PARP4: variants seen among roughly 807,000 people sequenced by gnomAD.
PARP4 encodes poly(ADP-ribose) polymerase family member 4, also known as protein mono-ADP-ribosyltransferase PARP4.
A neutral mutation model predicts 187.7 loss-of-function variants in PARP4; 120 were observed. The ratio of observed to expected loss-of-function variants is 0.64; its 90% confidence interval spans 0.55 to 0.74. The LOEUF (loss-of-function observed/expected upper bound fraction) is 0.74, where lower values mean the gene tolerates loss of function less well. Ranked by LOEUF, PARP4 falls within the 30% of genes least tolerant of loss-of-function variation. The pLI is 0.00. For synonymous variants in PARP4, 654 were observed against 740.9 expected (o/e 0.88, Z 1.90); for missense variants, 1,836 against 2,070.5 (o/e 0.89, Z 2.20).
chr13:24,426,526 A>G lies in PARP4; in HGVS notation c.4919T>C (p.Leu1640Ser). ...TTTGAACACTATTCCCTCTTTTTCC[A>G]ACCTGGTGCGAATAAACTGTAGTAC... is the stretch of plus-strand genomic sequence containing the variant. Reference protein sequence around the residue: ...MLVLQFIRTRLEKEGIVFKSL... With the variant: ...MLVLQFIRTRSEKEGIVFKSL... Residue 1640 changes from leucine (L) to serine (S), a missense_variant, in exon 33 of 34, where the codon TTG becomes TCG. Around this residue, in one of 8 missense-constraint regions of PARP4, gnomAD observed 45 missense variants for 53.1 expected, o/e 0.85. Transcript: ENST00000381989. The G allele has an allele frequency of 6.2e-7, 1 of 1,612,072 alleles. No homozygotes were observed. Among genetic ancestry groups the G allele is most frequent in the Non-Finnish European group, 8.5e-7 (1 of 1,178,650 alleles).
chr13:24,499,276 T>G (rs1869139189), intron 5 of PARP4, 25 bp downstream of exon 5: 1 of 1,449,408 alleles, frequency 6.9e-7, no homozygotes, highest in Non-Finnish European at 9.1e-7. Flanking sequence ...TTTTTTTTTT[T>G]GCTAACTAGA....
intron 6 of PARP4, among the ~76,000 whole-genome samples, chr13:24,497,763 G>C (rs1593650889): frequency 6.6e-6 from 1 of 152,138 alleles, no homozygotes; most frequent in Admixed American, 6.6e-5. Context: ...AGATCATAAG[G>C]GTGGGCCCTG....
In PARP4 at chr13:24,492,421, C is replaced by G; in HGVS notation, c.1053G>C (p.Gln351His). The G allele has an allele frequency of 6.2e-7, 1 of 1,607,734 alleles. No homozygotes were observed. The highest frequency in any genetic ancestry group is 8.5e-7 in the Non-Finnish European group (1 of 1,176,670). Residue 351 changes from glutamine (Q) to histidine (H), a missense_variant and splice_region_variant, in exon 9 of 34, where the codon CAG (glutamine) becomes CAC (histidine). Around this residue, in one of 8 missense-constraint regions of PARP4, gnomAD observed 1,147 missense variants for 1,214.2 expected, o/e 0.94. Transcript: ENST00000381989. The stretch of plus-strand genomic sequence containing the variant: ...AGAATTCTATATTTCAGAGGTTTAC[C>G]TGGCAGAGGTCTGCTTTCTTAGCCA... ...GLLAKKADLC[Q>H]LIRDMVNVCE...
At chr13:24,422,289 G>A (rs1210290836) in intron 33 of PARP4, among the ~76,000 whole-genome samples, 3 of 152,156 alleles carry the variant, frequency 2.0e-5, no homozygotes, top group African/African-American at 7.2e-5. Flanking sequence ...TGCACAGTAG[G>A]CACTCAATAA....
At position 24,434,657 on chromosome 13, in the gene PARP4, G is replaced by A. The variant is rs1870515688; in HGVS notation, c.4484C>T (p.Pro1495Leu). ...EALCSQSRTT[P>L]VDLCLLEESV... The stretch of plus-strand genomic sequence containing the variant: ...TTCTTCTAGAAGACAGAGATCTACT[G>A]GGGTAGTCCGGGACTGACTGCAAAG... Residue 1495 changes from proline to leucine, a missense_variant, in exon 31 of 34, where the codon CCA (proline) becomes CTA (leucine). By Grantham distance (98) the Pro-to-Leu change is moderately conservative. Around this residue, in one of 8 missense-constraint regions of PARP4, gnomAD observed 450 missense variants for 439.2 expected, o/e 1.02. Transcript: ENST00000381989. 6.2e-7 allele frequency: 1 copy of A among 1,613,912 alleles called. No individual in the cohort carries two copies.
At chr13:24,497,440 G>T (rs1438363555) in intron 6 of PARP4, among the ~76,000 whole-genome samples, 1 of 152,188 alleles carries the variant, frequency 6.6e-6, no homozygotes, top group Non-Finnish European at 1.5e-5. Context: ...TCAGTGGAAT[G>T]CTTTCAGAGG....
At chr13:24,492,771 T>C (rs1284620369) in intron 8 of PARP4, among the ~76,000 whole-genome samples, 177 bp from the exon 9 acceptor site, 11 of 152,222 alleles carry the variant, frequency 7.2e-5, no homozygotes, top group African/African-American at 2.2e-4. Context: ...GTGGCAAAGA[T>C]GCCATGAGGA....
Position 24,426,814 on chromosome 13 carries a change from C to T in PARP4, c.4847-216G>A, listed in dbSNP as rs550676416. 2.2e-4 allele frequency among the ~76,000 whole-genome samples: 32 copies of T among 146,292 alleles called. No individual in the cohort carries two copies. The South Asian group carries it at 2.4e-3, about 11-fold the overall frequency. ...GGCTGAGGCAGGAGAACGGCGTGAA[C>T]CCGGGAGGCGGAGCTTGCAGTGAGC... On this transcript the variant is annotated intron_variant, in intron 32 of 33. Transcript: ENST00000381989.
chr13:24,501,380 T>A (rs921957289), intron 3 of PARP4, among the ~76,000 whole-genome samples: 2 of 152,216 alleles, frequency 1.3e-5, no homozygotes, highest in Non-Finnish European at 2.9e-5. Flanking sequence ...AAAAGCACAA[T>A]CAGGTTTTCT....
intron 3 of PARP4, among the ~76,000 whole-genome samples, 188 bp downstream of exon 3, chr13:24,501,445 C>G (rs1337394949): frequency 6.6e-6 from 1 of 152,172 alleles, no homozygotes; most frequent in Non-Finnish European, 1.5e-5. Context: ...GGCTAGATAT[C>G]AAGAAATCTG....
Position 24,457,701 on chromosome 13 carries a change from G to T in PARP4, c.2425-1223C>A, listed in dbSNP as rs192730522. ...CATGAGAATCGTTTGAACCCAGGAGGTGGAGTTTGCAGTGGGCCATGATCC... is the reference window on the plus strand; with the variant it reads ...CATGAGAATCGTTTGAACCCAGGAGTTGGAGTTTGCAGTGGGCCATGATCC... On this transcript the variant is annotated intron_variant, in intron 20 of 33. Coordinates refer to ENST00000381989, the MANE Select transcript of PARP4 (RefSeq NM_006437.4). Among the ~76,000 whole-genome samples, 118 of 147,890 alleles carry T rather than the reference G, an allele frequency of 8.0e-4. 1 individual carries two copies. Among genetic ancestry groups the T allele is most frequent in the Admixed American group, 4.0e-3 (58 of 14,592 alleles).
Position 24,501,643 on chromosome 13 carries a change from C to T in PARP4, c.324G>A (p.Ala108=), listed in dbSNP as rs746239706. 1.9e-5 allele frequency: 30 copies of T among 1,610,284 alleles called. No homozygotes were observed. In the East Asian group the frequency reaches 5.8e-4, roughly 31 times the overall value. Residue 108 remains alanine (A), a synonymous_variant, in exon 3 of 34, where the codon GCG becomes GCA. Transcript: ENST00000381989. ...CTATGAAATACCTACCAGAACTGCT[C>T]GCCTTCTGATCAGGAGGTGGTGTGA... is the stretch of plus-strand genomic sequence containing the variant. ...LDITPPPDQK[A]SSSEVKTEGL...
At chr13:24,506,507 C>G (rs1364274313) in intron 1 of PARP4, among the ~76,000 whole-genome samples, 1 of 152,126 alleles carries the variant, frequency 6.6e-6, no homozygotes, top group Non-Finnish European at 1.5e-5. Context: ...GATTGGACTG[C>G]TTTGACAGGG....
At chr13:24,457,276 G>A (rs970552265) in intron 20 of PARP4, among the ~76,000 whole-genome samples, 3 of 152,274 alleles carry the variant, frequency 2.0e-5, no homozygotes, top group Non-Finnish European at 2.9e-5. Context: ...TGACCACAAA[G>A]TCTCTCCACT....
At chr13:24,453,508 G>C (rs1366099086) in intron 23 of PARP4, 79 bp downstream of exon 23, 1 of 798,408 alleles carries the variant, frequency 1.3e-6, no homozygotes, top group Non-Finnish European at 2.2e-6. Context: ...ATGGTGGCTT[G>C]AGTGGCCTAA....
chr13:24,483,704 G>A (rs984433225), intron 12 of PARP4, among the ~76,000 whole-genome samples: 1 of 151,896 alleles, frequency 6.6e-6, no homozygotes, highest in Non-Finnish European at 1.5e-5. Flanking sequence ...TCAGCTCACT[G>A]CAATCTCTGC....
Position 24,459,256 on chromosome 13 carries a change from G to A in PARP4, c.2345+8C>T, listed in dbSNP as rs942444470. ...TGAATTGACAGGTTTTATATTTTAG[G>A]TACTAACCTTTGCTTTGTTCCTATT... On this transcript the variant is annotated splice_region_variant and intron_variant, in intron 19 of 33. Transcript: ENST00000381989. 5 of 1,588,754 alleles carry A rather than the reference G, an allele frequency of 3.1e-6. No homozygotes were observed. In the African/African-American group the frequency reaches 6.8e-5, roughly 22 times the overall value.
At chr13:24,498,859 T>C (rs371313057) in intron 5 of PARP4, among the ~76,000 whole-genome samples, 41 of 152,366 alleles carry the variant, frequency 2.7e-4, no homozygotes, top group Non-Finnish European at 5.6e-4. Flanking sequence ...AAGAAACTGT[T>C]AGTAACAGGG....
chr13:24,496,976 T>A (rs1868992515), intron 6 of PARP4, among the ~76,000 whole-genome samples: 1 of 151,804 alleles, frequency 6.6e-6, no homozygotes, highest in South Asian at 2.1e-4. Context: ...TGAGCCGAGA[T>A]CGCACCACTG....
Sources: allele counts gnomAD v4.1 joint callset (sites outside exome capture counted in the v4.1 genomes callset), GRCh38; gene constraint gnomAD v4.1.1; regional missense constraint gnomAD v4.1.1; transcripts MANE v1.5; gene names NCBI Gene and HGNC (gene_info 2026-07-23, HGNC 2026-07-21).